CENPK: variants seen among roughly 807,000 people sequenced by gnomAD.
CENPK encodes the protein centromere protein K.
Under a neutral mutation model 40.9 loss-of-function variants are expected in CENPK, and 46 were observed. That is an observed-to-expected ratio of 1.13 (90% CI 0.89 to 1.44). The LOEUF (loss-of-function observed/expected upper bound fraction) is 1.44. Among genes scored for constraint, CENPK ranks in the 40% most tolerant of loss-of-function variants. CENPK has a pLI of 0.00. For synonymous variants in CENPK, 107 were observed against 104.4 expected, an observed-to-expected ratio of 1.02 and a Z score of -0.15; for missense variants, 288 against 303.5, an observed-to-expected ratio of 0.95 and a Z score of 0.38.
At chr5:65,499,047 A>AT in the CENPK span, among the ~76,000 whole-genome samples, 1 of 151,438 alleles carries the variant, frequency 6.6e-6, no homozygotes, top group Non-Finnish European at 1.5e-5. Flanking sequence ...TAAATAGAGA[A>AT]TGAGGCCTCC....
intron 6 of CENPK, among the ~76,000 whole-genome samples, chr5:65,531,193 A>C (rs926762041): frequency 5.3e-5 from 8 of 152,068 alleles, no homozygotes; most frequent in African/African-American, 1.9e-4. Flanking sequence ...TAAATCAATA[A>C]CATAGCTTTC....
At chr5:65,504,114 C>A in the CENPK span, among the ~76,000 whole-genome samples, 1 of 151,718 alleles carries the variant, frequency 6.6e-6, no homozygotes, top group Non-Finnish European at 1.5e-5. Context: ...AACACTTTGA[C>A]CCAAATATAA....
chr5:65,548,800 C>A (rs1162386662), intron 5 of CENPK, among the ~76,000 whole-genome samples: 1 of 152,196 alleles, frequency 6.6e-6, no homozygotes, highest in Admixed American at 6.5e-5. Context: ...GCCACATTTT[C>A]AGACTCCACT....
chr5:65,501,125 A>G, the CENPK span, among the ~76,000 whole-genome samples: 1 of 147,342 alleles, frequency 6.8e-6, no homozygotes, highest in Non-Finnish European at 1.5e-5. Context: ...TTCTTTGCTG[A>G]GACTTTCTAT....
chr5:65,551,068 C>A, intron 5 of CENPK: 1 of 263,806 alleles, frequency 3.8e-6, no homozygotes, highest in South Asian at 3.2e-5. Flanking sequence ...ATGGTGAAAC[C>A]CCGTCTCTAC....
intron 2 of CENPK, 139 bp downstream of exon 2, chr5:65,561,324 T>A (rs1300167990): frequency 4.0e-6 from 1 of 249,506 alleles, no homozygotes; most frequent in African/African-American, 2.2e-5. Flanking sequence ...ATTATCAATA[T>A]GCAAAAGTAA....
At position 65,518,612 on chromosome 5, in the gene CENPK, CA is replaced by C. The variant is rs1161999795; in HGVS notation, c.672del (p.Phe224LeufsTer30). On this transcript the variant is annotated frameshift_variant, in exon 11 of 11. Transcript: ENST00000396679. LOFTEE classifies it high-confidence loss of function. The stretch of plus-strand genomic sequence containing the variant: ...TTGACATATGGATCATGTGGAACAT[CA>C]AATAATCTATTTATAAGAATCTAGG... Reference protein sequence around the residue: ...EMLEILINRLFDVPHDPYVKI... With the variant: ...EMLEILINRLXDVPHDPYVKI... 1 of 1,586,836 alleles carries C rather than the reference CA, an allele frequency of 6.3e-7. No individual in the cohort carries two copies. Among genetic ancestry groups the C allele is most frequent in the African/African-American group, 1.4e-5 (1 of 73,940 alleles).
the CENPK span, among the ~76,000 whole-genome samples, chr5:65,505,867 T>C: frequency 6.6e-6 from 1 of 152,250 alleles, no homozygotes; most frequent in South Asian, 2.1e-4. Flanking sequence ...ATCTCTCCTC[T>C]ACATTTCTTA....
chr5:65,501,777 T>G, the CENPK span, among the ~76,000 whole-genome samples: 1 of 152,100 alleles, frequency 6.6e-6, no homozygotes, highest in African/African-American at 2.4e-5. Context: ...AAATTCAGCC[T>G]CTTCAAAGGC....
downstream of CENPK, among the ~76,000 whole-genome samples, chr5:65,512,895 T>C (rs1580848178): frequency 6.6e-6 from 1 of 152,224 alleles, no homozygotes; most frequent in Admixed American, 6.5e-5. Flanking sequence ...CATAGTGATA[T>C]CTCATTATTT....
the CENPK span, among the ~76,000 whole-genome samples, chr5:65,501,955 G>C: frequency 6.6e-6 from 1 of 152,108 alleles, no homozygotes; most frequent in Non-Finnish European, 1.5e-5. Context: ...CTTTACTACT[G>C]GGTGGGTATG....
intron 5 of CENPK, among the ~76,000 whole-genome samples, chr5:65,544,030 C>G (rs1748456860): frequency 6.6e-6 from 1 of 152,114 alleles, no homozygotes; most frequent in Non-Finnish European, 1.5e-5. Context: ...TGAAACTTCT[C>G]AAATAGTAGG....
At chr5:65,501,889 C>T in the CENPK span, among the ~76,000 whole-genome samples, 1 of 152,174 alleles carries the variant, frequency 6.6e-6, no homozygotes, top group Non-Finnish European at 1.5e-5. Context: ...AGCCTCCTTA[C>T]CTCTGGATGG....
At chr5:65,548,681 A>C (rs1303456832) in intron 5 of CENPK, among the ~76,000 whole-genome samples, 2 of 152,188 alleles carry the variant, frequency 1.3e-5, no homozygotes, top group African/African-American at 4.8e-5. Flanking sequence ...ACCGTGTTCA[A>C]AGCATCTTCA....
chr5:65,528,236 GT>G (rs1745085518), intron 9 of CENPK, among the ~76,000 whole-genome samples: 1 of 151,880 alleles, frequency 6.6e-6, no homozygotes, highest in Non-Finnish European at 1.5e-5. Context: ...GAGAGACTCT[GT>G]CCCCCCGCCC....
the CENPK span, among the ~76,000 whole-genome samples, chr5:65,500,683 A>C: frequency 6.6e-6 from 1 of 151,902 alleles, no homozygotes; most frequent in South Asian, 2.1e-4. Context: ...TGTTTGTTTG[A>C]GATGGAATCC....
chr5:65,538,189 T>C (rs1432456679), intron 6 of CENPK, among the ~76,000 whole-genome samples: 1 of 152,218 alleles, frequency 6.6e-6, no homozygotes, highest in African/African-American at 2.4e-5. Context: ...TGGATGGTAT[T>C]ATTTCTTTAA....
At chr5:65,551,208 C>T (rs1007543609) in intron 5 of CENPK, 2 of 373,972 alleles carry the variant, frequency 5.3e-6, no homozygotes, top group Middle Eastern at 8.9e-4. Flanking sequence ...CATGATTGTG[C>T]CACTGTACTC....
chr5:65,529,358 C>A (rs1017021003), intron 6 of CENPK, 159 bp from the exon 7 acceptor site: 1 of 520,840 alleles, frequency 1.9e-6, no homozygotes, highest in Non-Finnish European at 3.4e-6. Flanking sequence ...ATACAGTAGG[C>A]GCTAAATTTG....
Sources: gnomAD v4.1 joint callset for allele counts (sites outside exome capture counted in the v4.1 genomes callset) on GRCh38, gnomAD v4.1.1 for gene constraint, MANE v1.5 for transcripts, NCBI Gene and HGNC (gene_info 2026-07-23, HGNC 2026-07-21) for gene names.